LRRC69: variants seen among roughly 807,000 people sequenced by gnomAD.
LRRC69 encodes leucine-rich repeat-containing protein 69.
In LRRC69, 42 loss-of-function variants were observed where a neutral mutation model predicts 37.8. The ratio of observed to expected loss-of-function variants is 1.11; its 90% confidence interval spans 0.87 to 1.44. LRRC69 has a LOEUF of 1.44. LRRC69 is among the 40% of genes most tolerant of loss of function. The probability of loss-of-function intolerance (pLI) is 0.00; values close to 1 mark genes in which losing one functional copy is unlikely to be tolerated. For synonymous variants in LRRC69, 141 were observed against 143.1 expected, an observed-to-expected ratio of 0.99 and a Z score of 0.11; for missense variants, 357 against 401.9, an observed-to-expected ratio of 0.89 and a Z score of 0.96.
At chr8:91,104,327 C>T (rs189382587) in intron 1 of LRRC69, among the ~76,000 whole-genome samples, 5 of 152,072 alleles carry the variant, frequency 3.3e-5, no homozygotes, top group Admixed American at 2.6e-4. Flanking sequence ...ATAACACTTA[C>T]AGCTTTTATA....
chr8:91,217,758 G>A (rs959087280), intron 7 of LRRC69, among the ~76,000 whole-genome samples: 7 of 152,172 alleles, frequency 4.6e-5, no homozygotes, highest in Admixed American at 1.3e-4. Context: ...AAACCAAGAC[G>A]TCCACTGAGG....
chr8:91,135,692 A>G, exon 5 of LRRC69: 1 of 1,470,840 alleles, frequency 6.8e-7, no homozygotes, highest in Non-Finnish European at 9.0e-7. Context: ...TAAAAAACTA[A>G]GAATCCTAGA....
chr8:91,179,339 A>C (rs1183062647), intron 5 of LRRC69, among the ~76,000 whole-genome samples: 1 of 152,160 alleles, frequency 6.6e-6, no homozygotes, highest in Non-Finnish European at 1.5e-5. Flanking sequence ...AGAGAGAGAG[A>C]GCAAGAGGGA....
At chr8:91,197,506 G>A (rs1172277478) in intron 6 of LRRC69, among the ~76,000 whole-genome samples, 5 of 151,964 alleles carry the variant, frequency 3.3e-5, no homozygotes, top group African/African-American at 9.7e-5. Context: ...CTCCGTGGGC[G>A]TAGGACCCTC....
At chr8:91,157,040 C>G (rs1808848048) in intron 5 of LRRC69, among the ~76,000 whole-genome samples, 1 of 150,692 alleles carries the variant, frequency 6.6e-6, no homozygotes, top group South Asian at 2.1e-4. Flanking sequence ...ATTTTGAAGT[C>G]AGGTAGTTTG....
At chr8:91,150,872 T>C (rs1424333038) in intron 5 of LRRC69, among the ~76,000 whole-genome samples, 1 of 152,012 alleles carries the variant, frequency 6.6e-6, no homozygotes, top group African/African-American at 2.4e-5. Flanking sequence ...TTTGTTTGCA[T>C]AGAGGTGTTT....
At chr8:91,194,325 C>A (rs1391980430) in intron 6 of LRRC69, among the ~76,000 whole-genome samples, 1 of 150,924 alleles carries the variant, frequency 6.6e-6, no homozygotes, top group Non-Finnish European at 1.5e-5. Context: ...GGTTGTGTCT[C>A]TGCCAGGCTT....
chr8:91,152,980 C>A (rs866444474), intron 5 of LRRC69, among the ~76,000 whole-genome samples: 1 of 151,070 alleles, frequency 6.6e-6, no homozygotes, highest in South Asian at 2.1e-4. Flanking sequence ...TTCAAGAGAC[C>A]CATCTCATGT....
chr8:91,125,635 G>T (rs187732365), intron 2 of LRRC69, among the ~76,000 whole-genome samples: 1 of 151,748 alleles, frequency 6.6e-6, no homozygotes, highest in African/African-American at 2.4e-5. Flanking sequence ...AATATTTTAT[G>T]ACCTATACTG....
At chr8:91,143,823 A>G (rs1808571481) in intron 5 of LRRC69, among the ~76,000 whole-genome samples, 1 of 152,058 alleles carries the variant, frequency 6.6e-6, no homozygotes. Context: ...TCCCAGAAAT[A>G]CAAATCATTT....
chr8:91,109,302 G>T (rs57438891), intron 1 of LRRC69, among the ~76,000 whole-genome samples: 6,302 of 152,056 alleles, frequency 0.041, 193 homozygotes, highest in African/African-American at 0.074. Context: ...CACTAGTGAT[G>T]TGGAAAAACT....
chr8:91,151,034 C>A (rs1563605697), intron 5 of LRRC69, among the ~76,000 whole-genome samples: 1 of 151,904 alleles, frequency 6.6e-6, no homozygotes, highest in East Asian at 1.9e-4. Context: ...TTCAAAAAAC[C>A]AGCTCCTGGA....
intron 2 of LRRC69, among the ~76,000 whole-genome samples, chr8:91,126,307 A>G (rs1443604089): frequency 1.3e-5 from 2 of 152,010 alleles, no homozygotes. Flanking sequence ...AGATAATTAC[A>G]TGACCTGAGG....
intron 6 of LRRC69, among the ~76,000 whole-genome samples, chr8:91,199,235 T>C (rs1166143353): frequency 1.3e-5 from 2 of 152,188 alleles, no homozygotes; most frequent in East Asian, 1.9e-4. Flanking sequence ...CTTAAGTAGT[T>C]GGAGAAAGGG....
At chr8:91,110,510 A>G (rs921604647) in intron 1 of LRRC69, among the ~76,000 whole-genome samples, 1 of 151,902 alleles carries the variant, frequency 6.6e-6, no homozygotes, top group Non-Finnish European at 1.5e-5. Flanking sequence ...GTGGTGATGC[A>G]TAACTGTAAT....
chr8:91,135,569 C>T, intron 4 of LRRC69, 99 bp from the exon 5 acceptor site: 1 of 698,018 alleles, frequency 1.4e-6, no homozygotes, highest in Middle Eastern at 2.7e-4. Context: ...GAAAAGATGG[C>T]CACCTTCATC....
rs78310487 is a variant in LRRC69, at chr8:91,167,432, C to T, written c.652-22090C>T. ...GATTCAATATCCTTCCACTGGCTCCCTCCGACAACACATGGAAATTGTGGG... is the reference window on the plus strand; with the variant it reads ...GATTCAATATCCTTCCACTGGCTCCTTCCGACAACACATGGAAATTGTGGG... On this transcript the variant is annotated intron_variant, in intron 5 of 7. Transcript: ENST00000448384. 2.6e-4 allele frequency among the ~76,000 whole-genome samples: 40 copies of T among 151,776 alleles called. No individual in the cohort carries two copies. In the East Asian group the frequency reaches 7.8e-3, roughly 30 times the overall value.
intron 5 of LRRC69, among the ~76,000 whole-genome samples, chr8:91,142,905 C>T (rs954408084): frequency 2.6e-5 from 4 of 151,948 alleles, no homozygotes; most frequent in Non-Finnish European, 5.9e-5. Flanking sequence ...TCACTGTGTC[C>T]TTGACTAAAA....
At chr8:91,157,881 AG>A in intron 5 of LRRC69, 6 of 1,596,086 alleles carry the variant, frequency 3.8e-6, no homozygotes, top group Non-Finnish European at 4.3e-6. Context: ...TTTTTAGATA[AG>A]GGAGAGTTTT....
Sources: allele counts gnomAD v4.1 joint callset (sites outside exome capture counted in the v4.1 genomes callset), GRCh38; gene constraint gnomAD v4.1.1; transcripts MANE v1.5; gene names NCBI Gene and HGNC (gene_info 2026-07-23, HGNC 2026-07-21).